The following IL31RA variants were observed in gnomAD, a reference collection of about 807,000 sequenced individuals.
The protein encoded by IL31RA is interleukin-31 receptor subunit alpha.
In IL31RA, 66 loss-of-function variants were observed where a neutral mutation model predicts 83.7. The observed-to-expected ratio is 0.79, with a 90% CI of 0.65 to 0.97. The LOEUF is 0.97. IL31RA is among the 50% of genes least tolerant of loss of function. The probability of loss-of-function intolerance (pLI) is 0.00; values close to 1 mark genes in which losing one functional copy is unlikely to be tolerated. For synonymous variants in IL31RA, 325 were observed against 329.0 expected (o/e 0.99, Z 0.13); for missense variants, 798 against 919.4 (o/e 0.87, Z 1.71).
At position 55,881,342 on chromosome 5, in the gene IL31RA, T is replaced by C. The variant is rs559747794; in HGVS notation, c.455-1702T>C. Among the ~76,000 whole-genome samples the C allele has an allele frequency of 1.1e-4, 16 of 151,030 alleles. No homozygotes were observed. The South Asian group carries it at 3.4e-3, about 32-fold the overall frequency. On this transcript the variant is annotated intron_variant, in intron 4 of 14. Coordinates refer to ENST00000652347, the MANE Select transcript of IL31RA (RefSeq NM_139017.7). ...AAGATAAAGAAAAAGAAAAAAAAGC[T>C]TTAGAGCAGGAATGGAAAGAAGGAA...
At chr5:55,840,137 TC>T in the IL31RA span, 1 of 292,216 alleles carries the variant, frequency 3.4e-6, no homozygotes, top group South Asian at 3.9e-5. Flanking sequence ...GTATCTATGC[TC>T]CTGAGATTAT....
intron 6 of IL31RA, among the ~76,000 whole-genome samples, chr5:55,893,807 T>C (rs2112488889): frequency 7.5e-6 from 1 of 133,626 alleles, no homozygotes; most frequent in East Asian, 2.1e-4. Flanking sequence ...GCCTATGAGA[T>C]AATTTTTTTT....
At chr5:55,893,307 G>A (rs574969081) in intron 6 of IL31RA, among the ~76,000 whole-genome samples, 2 of 152,262 alleles carry the variant, frequency 1.3e-5, no homozygotes, top group East Asian at 3.9e-4. Context: ...CAGGGCTGTG[G>A]GCATTAAATG....
intron 2 of IL31RA, among the ~76,000 whole-genome samples, chr5:55,864,755 C>T (rs113425703): frequency 6.6e-6 from 1 of 150,726 alleles, no homozygotes. Context: ...ACACACACCA[C>T]GTACACATAC....
intron 8 of IL31RA, 111 bp downstream of exon 8, chr5:55,900,243 A>C: frequency 1.2e-6 from 1 of 803,482 alleles, no homozygotes; most frequent in South Asian, 1.4e-5. Flanking sequence ...ATGAAAATGG[A>C]GTGGGAACCT....
At position 55,868,878 on chromosome 5, in the gene IL31RA, G is replaced by C; in HGVS notation, c.242G>C (p.Ser81Thr). 6 of 1,587,766 alleles carry C rather than the reference G, an allele frequency of 3.8e-6. No homozygotes were observed. Among genetic ancestry groups the C allele is most frequent in the Non-Finnish European group, 3.5e-6 (4 of 1,156,100 alleles). ...TCTWSPGKET[S>T]YTQYTVKRTY... Reference sequence around the variant, plus strand: ...ACTTGGAGTCCAGGAAAGGAAACCAGTTATACCCAGTACACAGTTAAGAGA... The same window carrying C: ...ACTTGGAGTCCAGGAAAGGAAACCACTTATACCCAGTACACAGTTAAGAGA... The change falls in exon 3 of 15, where the codon AGT becomes ACT. Residue 81 changes from serine to threonine, a missense_variant. By Grantham distance (58) the Ser-to-Thr change is moderately conservative (BLOSUM62 1). Coordinates refer to ENST00000652347, the MANE Select transcript of IL31RA (RefSeq NM_139017.7).
At position 55,918,553 on chromosome 5, in the gene IL31RA, G is replaced by A. The variant is rs151207728; in HGVS notation, c.*1433G>A. Among the ~76,000 whole-genome samples the A allele has an allele frequency of 3.5e-3, 536 of 152,208 alleles. 1 individual carries two copies. The highest frequency in any genetic ancestry group is 6.2e-3 in the Non-Finnish European group (419 of 68,006). On this transcript the variant is annotated 3_prime_UTR_variant, in exon 15 of 15. Transcript: ENST00000652347. Reference sequence around the variant, plus strand: ...CTGCCTGGGACTGGCTCTGAGTGCCGAGGATGTTCAATGGCGCAGCGTGCA... The same window carrying A: ...CTGCCTGGGACTGGCTCTGAGTGCCAAGGATGTTCAATGGCGCAGCGTGCA...
At chr5:55,913,174 T>A (rs1241595524) in intron 12 of IL31RA, among the ~76,000 whole-genome samples, 1 of 151,992 alleles carries the variant, frequency 6.6e-6, no homozygotes, top group Non-Finnish European at 1.5e-5. Flanking sequence ...CACTGCAACC[T>A]CCGCCTCCCA....
At chr5:55,847,377 T>C (rs1744960525), upstream of IL31RA, among the ~76,000 whole-genome samples, 1 of 152,116 alleles carries the variant, frequency 6.6e-6, no homozygotes, top group African/African-American at 2.4e-5. Context: ...GATGGATTAC[T>C]TGAAGACCAG....
rs146207888 is a variant in IL31RA, at chr5:55,870,864, T to A, written c.273-1406T>A. On this transcript the variant is annotated intron_variant, in intron 3 of 14. Transcript: ENST00000652347. ...AGAATTTTTCCTGGGGAGTTGGGGATGCCTTCATGGAGATAATGATTTTTG... is the reference window on the plus strand; with the variant it reads ...AGAATTTTTCCTGGGGAGTTGGGGAAGCCTTCATGGAGATAATGATTTTTG... 2.5e-3 allele frequency among the ~76,000 whole-genome samples: 376 copies of A among 152,330 alleles called. 6 individuals carry two copies. Among genetic ancestry groups the A allele is most frequent in the African/African-American group, 8.4e-3 (348 of 41,576 alleles).
At chr5:55,911,029 T>C (rs1233105448) in intron 12 of IL31RA, among the ~76,000 whole-genome samples, 1 of 152,196 alleles carries the variant, frequency 6.6e-6, no homozygotes, top group African/African-American at 2.4e-5. Context: ...TTTCTGCATG[T>C]TATAGGTTAC....
At chr5:55,901,586 CATTATTATTATTATTATTATT>C (rs58572654) in intron 8 of IL31RA, among the ~76,000 whole-genome samples, 6 of 144,916 alleles carry the variant, frequency 4.1e-5, no homozygotes, top group African/African-American at 1.5e-4. Flanking sequence ...TTACTATTGT[CATTATTATTATTATTATTATT>C]ATTATTATTA....
At chr5:55,879,169 A>G (rs1311100446) in intron 4 of IL31RA, among the ~76,000 whole-genome samples, 1 of 152,102 alleles carries the variant, frequency 6.6e-6, no homozygotes, top group Non-Finnish European at 1.5e-5. Flanking sequence ...CTGCCCTCAG[A>G]CAGGCTGGAA....
chr5:55,881,866 C>G (rs1455177756), intron 4 of IL31RA, among the ~76,000 whole-genome samples: 1 of 151,834 alleles, frequency 6.6e-6, no homozygotes, highest in Non-Finnish European at 1.5e-5. Flanking sequence ...GCGCCCGCCA[C>G]CATGCCCGGC....
intron 5 of IL31RA, among the ~76,000 whole-genome samples, chr5:55,885,816 A>G (rs1316566874): frequency 6.6e-6 from 1 of 152,138 alleles, no homozygotes; most frequent in African/African-American, 2.4e-5. Context: ...CATTAATTGT[A>G]GTTTGGGGAA....
chr5:55,884,486 G>A (rs900295945), intron 5 of IL31RA, among the ~76,000 whole-genome samples: 2 of 152,182 alleles, frequency 1.3e-5, no homozygotes, highest in African/African-American at 4.8e-5. Flanking sequence ...CCAGGCTGGA[G>A]TGCAGTGGTG....
At chr5:55,854,328 C>T (rs917162487) in intron 1 of IL31RA, among the ~76,000 whole-genome samples, 5 of 152,196 alleles carry the variant, frequency 3.3e-5, no homozygotes, top group Admixed American at 3.3e-4. Flanking sequence ...TCAATATCCT[C>T]ATCCAAAAAG....
In IL31RA at chr5:55,910,726, A is replaced by G. The variant is rs1018574408; in HGVS notation, c.1642+54A>G. 2.4e-5 allele frequency: 39 copies of G among 1,597,842 alleles called. No homozygotes were observed. The African/African-American group carries it at 4.8e-4, about 20-fold the overall frequency. On this transcript the variant is annotated intron_variant, in intron 12 of 14. Transcript: ENST00000652347. The stretch of plus-strand genomic sequence containing the variant: ...CTCTCCCTCACGTTTACCTTACATC[A>G]GAGAGAAATGACATCTGCCAAAAGC...
intron 9 of IL31RA, 54 bp from the exon 10 acceptor site, chr5:55,907,305 C>G: frequency 4.9e-6 from 5 of 1,019,518 alleles, no homozygotes; most frequent in Non-Finnish European, 7.8e-6. Context: ...GTCTAGTATT[C>G]CCCCCACTCT....
Sources: gnomAD v4.1 joint callset for allele counts (sites outside exome capture counted in the v4.1 genomes callset) on GRCh38, gnomAD v4.1.1 for gene constraint, MANE v1.5 for transcripts, NCBI Gene and HGNC (gene_info 2026-07-23, HGNC 2026-07-21) for gene names.